The following SEMA3F variants were observed in gnomAD, a reference collection of about 807,000 sequenced individuals.
The protein encoded by SEMA3F is semaphorin-3F.
Under a neutral mutation model 98.5 loss-of-function variants are expected in SEMA3F, and 30 were observed. The ratio of observed to expected loss-of-function variants is 0.30; its 90% CI spans 0.23 to 0.41. The LOEUF (loss-of-function observed/expected upper bound fraction) is 0.41. Ranked by LOEUF, SEMA3F falls within the 10% of genes least tolerant of loss-of-function variation. The pLI is 1.00. For synonymous variants in SEMA3F, 380 were observed against 444.8 expected (o/e 0.85, Z 1.83); for missense variants, 866 against 1,119.3 (o/e 0.77, Z 3.23).
intron 7 of SEMA3F, 42 bp downstream of exon 7, chr3:50,176,903 C>T (rs1167364181): frequency 6.7e-7 from 1 of 1,493,144 alleles, no homozygotes; most frequent in Non-Finnish European, 9.3e-7. Flanking sequence ...CAATGTGTGG[C>T]CTCTGCCCCT....
chr3:50,182,548 TGGG>T lies in SEMA3F; in HGVS notation c.764-93_764-91del, dbSNP rs1256916484. On this transcript the variant is annotated intron_variant, in intron 8 of 18. Coordinates refer to ENST00000002829, the MANE Select transcript of SEMA3F (RefSeq NM_004186.5). This position sits in a 1 kb window ranked among gnomAD's most constrained non-coding sequence, Gnocchi z 4.5. ...GGTAGTTTCTTATCTGGAGAGGAGT[TGGG>T]GGTGTTCTTGCACCTGGCTGGGGAT... 3 of 1,577,038 alleles carry T rather than the reference TGGG, an allele frequency of 1.9e-6. No homozygotes were observed. The African/African-American group carries it at 4.0e-5, about 21-fold the overall frequency.
chr3:50,184,845 G>C (rs369572610), intron 13 of SEMA3F, 31 bp downstream of exon 13: 4 of 1,555,998 alleles, frequency 2.6e-6, no homozygotes, highest in Non-Finnish European at 2.6e-6. Context: ...CCTCTCCCAC[G>C]CTGGGCCCAC....
At position 50,187,636 on chromosome 3, in the gene SEMA3F, G is replaced by A. The variant is rs1575412169; in HGVS notation, c.1948-69G>A. The A allele has an allele frequency of 5.7e-6, 8 of 1,402,990 alleles. No homozygotes were observed. In the South Asian group the frequency reaches 1.0e-4, roughly 18 times the overall value. 86.9% of individuals were successfully genotyped at this position (1,402,990 alleles called of 1,614,324 possible). Reference sequence around the variant, plus strand: ...CACGGAATGGCCACAAAGGTGGTCTGATCTGGTTGCTGGCTAGGGCCATAG... The same window carrying A: ...CACGGAATGGCCACAAAGGTGGTCTAATCTGGTTGCTGGCTAGGGCCATAG... On this transcript the variant is annotated intron_variant, in intron 18 of 18. Coordinates refer to ENST00000002829, the MANE Select transcript of SEMA3F (RefSeq NM_004186.5).
At chr3:50,155,152 G>A (rs560777157), upstream of SEMA3F, 696 of 376,340 alleles carry the variant, frequency 1.8e-3, 10 homozygotes, top group African/African-American at 0.013. This position sits in a 1 kb window ranked among gnomAD's most constrained non-coding sequence, Gnocchi z 4.9. Context: ...ACCTGGGTAC[G>A]CCGCGAGGAA....
intron 2 of SEMA3F, among the ~76,000 whole-genome samples, chr3:50,161,490 A>T (rs1165701218): frequency 6.6e-6 from 1 of 152,178 alleles, no homozygotes; most frequent in Non-Finnish European, 1.5e-5. Flanking sequence ...CAGTGACTAA[A>T]AGCTGAGCTC....
intron 7 of SEMA3F, among the ~76,000 whole-genome samples, chr3:50,179,501 T>A (rs759416321): frequency 3.5e-4 from 53 of 152,134 alleles, no homozygotes; most frequent in Non-Finnish European, 6.0e-4. Context: ...AATTTTTGTA[T>A]TATTAGTAGA....
At position 50,156,828 on chromosome 3, in the gene SEMA3F, G is replaced by C; in HGVS notation, c.-49+1264G>C. ...GCCCACCCAGCCTCAGCCCCTCGCT[G>C]CTCAGCATACCTTGGGGGGAGGATG... On this transcript the variant is annotated intron_variant, in intron 1 of 18. Transcript: ENST00000002829. The surrounding 1 kb of genome is among the most constrained non-coding windows in gnomAD (Gnocchi z 4.5). Among the ~76,000 whole-genome samples, 1 of 152,166 alleles carries C rather than the reference G, an allele frequency of 6.6e-6. No individual in the cohort carries two copies.
At chr3:50,187,531 G>A (rs1699266638) in intron 18 of SEMA3F, among the ~76,000 whole-genome samples, 174 bp from the exon 19 acceptor site, 1 of 151,700 alleles carries the variant, frequency 6.6e-6, no homozygotes, top group African/African-American at 2.4e-5. Context: ...CTGTACAGAT[G>A]CCTTATTCAA....
chr3:50,165,432 C>T (rs565037371), intron 2 of SEMA3F, among the ~76,000 whole-genome samples: 1 of 152,356 alleles, frequency 6.6e-6, no homozygotes, highest in Non-Finnish European at 1.5e-5. Context: ...TCCCTAGAGA[C>T]TGGCTCCAAG....
chr3:50,160,218 G>A (rs1698152349), intron 2 of SEMA3F, among the ~76,000 whole-genome samples: 1 of 152,154 alleles, frequency 6.6e-6, no homozygotes, highest in Non-Finnish European at 1.5e-5. Flanking sequence ...TGCTCGAGGA[G>A]CCTTCCTATG....
chr3:50,163,939 C>G (rs1698310417), intron 2 of SEMA3F, among the ~76,000 whole-genome samples: 1 of 152,236 alleles, frequency 6.6e-6, no homozygotes, highest in South Asian at 2.1e-4. Context: ...TTTCAGTTTT[C>G]TGGAAATGGG....
rs548261180 is a variant in SEMA3F at position 50,166,921 on chromosome 3, G to A, written c.113-6872G>A. ...TGTGGGAGGAGGAGGTGGGTCCCCCGGGGGCCTCTGAAACTGGAGGCACTC... is the reference window on the plus strand; with the variant it reads ...TGTGGGAGGAGGAGGTGGGTCCCCCAGGGGCCTCTGAAACTGGAGGCACTC... On this transcript the variant is annotated intron_variant, in intron 2 of 18. Coordinates refer to ENST00000002829, the MANE Select transcript of SEMA3F (RefSeq NM_004186.5). This position sits in a 1 kb window ranked among gnomAD's most constrained non-coding sequence, Gnocchi z 4.7. Among the ~76,000 whole-genome samples, 15 of 152,138 alleles carry A rather than the reference G, an allele frequency of 9.9e-5. No homozygotes were observed. The East Asian group carries it at 2.5e-3, about 25-fold the overall frequency.
chr3:50,181,115 A>T (rs1179508995), intron 7 of SEMA3F, among the ~76,000 whole-genome samples: 2 of 152,016 alleles, frequency 1.3e-5, no homozygotes, highest in Non-Finnish European at 2.9e-5. Flanking sequence ...AGACACAGAG[A>T]CACAAAGTAA....
At chr3:50,175,245 C>T (rs544739619) in intron 6 of SEMA3F, 57 bp downstream of exon 6, 5 of 1,274,476 alleles carry the variant, frequency 3.9e-6, no homozygotes, top group African/African-American at 2.9e-5. Context: ...GCGGAACTCA[C>T]CCTGGGCCTG....
rs200144707 is a variant in SEMA3F, at chr3:50,188,198, T to A, written c.*83T>A. Reference sequence around the variant, plus strand: ...AGATATATATATATATATATATATATAAAATATCTATATTCTATACACACC... The same window carrying A: ...AGATATATATATATATATATATATAAAAAATATCTATATTCTATACACACC... On this transcript the variant is annotated 3_prime_UTR_variant, in exon 19 of 19. Transcript: ENST00000002829. The surrounding 1 kb of genome is among the most constrained non-coding windows in gnomAD (Gnocchi z 4.5). 175 of 454,336 alleles carry A rather than the reference T, an allele frequency of 3.9e-4. No individual in the cohort carries two copies. Among genetic ancestry groups the A allele is most frequent in the East Asian group, 3.0e-3 (60 of 19,736 alleles). 28.1% of individuals were successfully genotyped at this position (454,336 alleles called of 1,614,324 possible). A position where few individuals can be genotyped will look rare whatever the true frequency, so the allele number is the denominator to read the frequency against.
chr3:50,175,771 G>A (rs1044855169), intron 6 of SEMA3F, among the ~76,000 whole-genome samples: 1 of 152,142 alleles, frequency 6.6e-6, no homozygotes, highest in African/African-American at 2.4e-5. Context: ...TGTTTGTGGT[G>A]GGGAGTGCAG....
rs1698832353 is a variant in SEMA3F, at chr3:50,176,803, G to C, written c.585G>C (p.Glu195Asp). The change falls in exon 7 of 19, where the codon GAG becomes GAC. Residue 195 changes from glutamate (E) to aspartate (D), a missense_variant. Glu to Asp is a conservative substitution (Grantham distance 45). Coordinates refer to ENST00000002829, the MANE Select transcript of SEMA3F (RefSeq NM_004186.5). ...YIFYLEPERLESGKGKCPYDP... is the reference protein window; with the variant it reads ...YIFYLEPERLDSGKGKCPYDP... ...TCTACCTGGAGCCTGAGCGACTCGA[G>C]TCAGGGAAGGGCAAGTGTCCGTACG... 1 of 1,613,604 alleles carries C rather than the reference G, an allele frequency of 6.2e-7. No individual in the cohort carries two copies. The highest frequency in any genetic ancestry group is 1.3e-5 in the African/African-American group (1 of 74,934).
chr3:50,179,683 A>T (rs1418868880), intron 7 of SEMA3F, among the ~76,000 whole-genome samples: 1 of 152,162 alleles, frequency 6.6e-6, no homozygotes, highest in Non-Finnish European at 1.5e-5. Flanking sequence ...TTCATCCATG[A>T]TCTTATCTAA....
intron 7 of SEMA3F, among the ~76,000 whole-genome samples, chr3:50,179,592 C>A (rs1004312831): frequency 6.6e-6 from 1 of 152,224 alleles, no homozygotes; most frequent in African/African-American, 2.4e-5. Flanking sequence ...TCCCAAAATG[C>A]TGGGATAAGA....
Sources: allele counts gnomAD v4.1 joint callset (sites outside exome capture counted in the v4.1 genomes callset), GRCh38; gene constraint gnomAD v4.1.1; non-coding constraint Gnocchi (gnomAD v3.1); transcripts MANE v1.5; gene names NCBI Gene and HGNC (gene_info 2026-07-23, HGNC 2026-07-21).